UGT2B17: variants seen among roughly 807,000 people sequenced by gnomAD.
UGT2B17 encodes UDP-glucuronosyltransferase 2B17.
Under a neutral mutation model 48.2 loss-of-function variants are expected in UGT2B17, and 21 were observed. The observed-to-expected ratio is 0.44, with a 90% CI of 0.31 to 0.63. The LOEUF is 0.63. Among genes scored for constraint, UGT2B17 ranks in the 20% least tolerant of loss-of-function variants. UGT2B17 has a pLI of 0.08. For synonymous variants in UGT2B17, 146 were observed against 238.4 expected (o/e 0.61, Z 3.57); for missense variants, 402 against 696.1 (o/e 0.58, Z 4.75).
In UGT2B17 at chr4:68,554,326, C is replaced by A. The variant is rs138865148; in HGVS notation, c.1006-2415G>T. On this transcript the variant is annotated intron_variant, in intron 4 of 6. Coordinates refer to ENST00000317746, the MANE Select transcript of UGT2B17 (RefSeq NM_001077.4). ...TCGCCTGTTTGGATTTATGACACCT[C>A]TACTTGGCAGAGTTTATGTAAAATG... Among the ~76,000 whole-genome samples the A allele has an allele frequency of 3.4e-3, 436 of 126,506 alleles. 94 individuals carry two copies. The highest frequency in any genetic ancestry group is 0.012 in the African/African-American group (430 of 37,166). 83.0% of individuals were successfully genotyped at this position (126,506 alleles called of 152,430 possible).
rs1262020619 is a variant in UGT2B17 at position 68,576,076 on chromosome 4, C to G, written c.-190G>C. Among the ~76,000 whole-genome samples, 1 of 125,074 alleles carries G rather than the reference C, an allele frequency of 8.0e-6. No individual in the cohort carries two copies. The highest frequency in any genetic ancestry group is 1.7e-5 in the Non-Finnish European group (1 of 59,130). The allele number at this position is 125,074 out of a possible 152,430, so 82.1% of individuals were successfully genotyped here. A position where few individuals can be genotyped will look rare whatever the true frequency, so the allele number is the denominator to read the frequency against. On this transcript the variant is annotated 5_prime_UTR_variant, in exon 1 of 7. Transcript: ENST00000317746. The stretch of plus-strand genomic sequence containing the variant: ...TGTTCCACTGGGGCAATTTCCTACC[C>G]AGGAGCGCTCTTTGGATCTCATCAC...
intron 4 of UGT2B17, among the ~76,000 whole-genome samples, chr4:68,557,128 T>C (rs1411233471): frequency 8.0e-6 from 1 of 124,944 alleles, no homozygotes; most frequent in African/African-American, 2.7e-5. Flanking sequence ...ATAATTCTGA[T>C]ATGACTTAGT....
Position 68,561,570 on chromosome 4 carries a change from G to T in UGT2B17, c.874-902C>A, listed in dbSNP as rs1731103924. Among the ~76,000 whole-genome samples the T allele has an allele frequency of 2.4e-5, 3 of 123,538 alleles. 1 individual carries two copies. Among genetic ancestry groups the T allele is most frequent in the African/African-American group, 8.3e-5 (3 of 36,132 alleles). 81.0% of individuals were successfully genotyped at this position (123,538 alleles called of 152,430 possible). ...CTCACTTTGCTGTGTCTCACAGGGG[G>T]CACTTGAACCACAGTGGGAGAGGTC... On this transcript the variant is annotated intron_variant, in intron 3 of 6. Coordinates refer to ENST00000317746, the MANE Select transcript of UGT2B17 (RefSeq NM_001077.4).
rs1172759047 is a variant in UGT2B17 at position 68,546,843 on chromosome 4, A to T, written c.1313+3834T>A. On this transcript the variant is annotated intron_variant, in intron 6 of 6. Transcript: ENST00000317746. The stretch of plus-strand genomic sequence containing the variant: ...CATTCACAATTGCTTCAAAGAGAAT[A>T]AAATACCTAGGAATCCAACTTACAA... Among the ~76,000 whole-genome samples the T allele has an allele frequency of 4.8e-5, 6 of 124,024 alleles. 2 individuals carry two copies. Among genetic ancestry groups the T allele is most frequent in the African/African-American group, 2.7e-5 (1 of 36,474 alleles). 81.4% of individuals were successfully genotyped at this position (124,024 alleles called of 152,430 possible).
chr4:68,554,470 C>T (rs190589622), intron 4 of UGT2B17, among the ~76,000 whole-genome samples: 1 of 124,706 alleles, frequency 8.0e-6, no homozygotes, highest in Non-Finnish European at 1.7e-5. Context: ...TTTAAATTTG[C>T]TTTTATTTTT....
intron 4 of UGT2B17, among the ~76,000 whole-genome samples, chr4:68,556,903 T>C (rs1186299067): frequency 8.0e-6 from 1 of 125,414 alleles, no homozygotes; most frequent in Admixed American, 8.2e-5. Flanking sequence ...AATCCTTTGA[T>C]ATTTGACAAA....
intron 1 of UGT2B17, among the ~76,000 whole-genome samples, chr4:68,573,047 T>C (rs754852235): frequency 7.8e-6 from 1 of 127,926 alleles, no homozygotes; most frequent in Non-Finnish European, 1.7e-5. Context: ...TGGTATCTAG[T>C]TAGTCTATCA....
At chr4:68,564,289 TA>T (rs1731154750) in intron 3 of UGT2B17, among the ~76,000 whole-genome samples, 1 of 90,072 alleles carries the variant, frequency 1.1e-5, no homozygotes, top group African/African-American at 6.1e-5. Flanking sequence ...TATATATATA[TA>T]TATATTTTTT....
chr4:68,574,744 C>G lies in UGT2B17; in HGVS notation c.-65+1207G>C, dbSNP rs1428535959. On this transcript the variant is annotated intron_variant, in intron 1 of 6. Coordinates refer to ENST00000317746, the MANE Select transcript of UGT2B17 (RefSeq NM_001077.4). ...TGTTTCTTCAATAGCACTCAGGAGGCCTTATTACTTTTAAATTATGCAACA... is the reference window on the plus strand; with the variant it reads ...TGTTTCTTCAATAGCACTCAGGAGGGCTTATTACTTTTAAATTATGCAACA... 3.2e-5 allele frequency among the ~76,000 whole-genome samples: 4 copies of G among 125,724 alleles called. 2 individuals carry two copies. Among genetic ancestry groups the G allele is most frequent in the Non-Finnish European group, 6.7e-5 (4 of 59,472 alleles). 82.5% of individuals were successfully genotyped at this position (125,724 alleles called of 152,430 possible).
At chr4:68,550,323 T>C (rs1237084424) in intron 6 of UGT2B17, among the ~76,000 whole-genome samples, 1 of 126,072 alleles carries the variant, frequency 7.9e-6, no homozygotes, top group Non-Finnish European at 1.7e-5. Context: ...TGAGAAAGAA[T>C]AGATTCATAC....
chr4:68,561,545 C>A lies in UGT2B17; in HGVS notation c.874-877G>T, dbSNP rs190199777. On this transcript the variant is annotated intron_variant, in intron 3 of 6. Transcript: ENST00000317746. ...TAACTTACCATGAGGGACCCTCATCCTCACTTTGCTGTGTCTCACAGGGGG... is the reference window on the plus strand; with the variant it reads ...TAACTTACCATGAGGGACCCTCATCATCACTTTGCTGTGTCTCACAGGGGG... Among the ~76,000 whole-genome samples the A allele has an allele frequency of 3.0e-4, 37 of 124,044 alleles. 6 individuals carry two copies. Among genetic ancestry groups the A allele is most frequent in the African/African-American group, 9.4e-4 (34 of 36,348 alleles). 81.4% of individuals were successfully genotyped at this position (124,044 alleles called of 152,430 possible).
At chr4:68,538,573 C>A (rs1162361999) in intron 6 of UGT2B17, among the ~76,000 whole-genome samples, 1 of 125,786 alleles carries the variant, frequency 8.0e-6, no homozygotes, top group Non-Finnish European at 1.7e-5. Context: ...TGTGTCACAA[C>A]TGGTGAAATG....
chr4:68,550,557 C>T (rs1730895297), intron 6 of UGT2B17, 120 bp downstream of exon 6: 1 of 765,162 alleles, frequency 1.3e-6, no homozygotes, highest in Non-Finnish European at 1.8e-6. Context: ...GCAGATTTTA[C>T]ATTGGTTAAA....
chr4:68,563,539 C>G lies in UGT2B17; in HGVS notation c.873+2033G>C, dbSNP rs1374666989. 2.4e-5 allele frequency among the ~76,000 whole-genome samples: 3 copies of G among 126,518 alleles called. 1 individual carries two copies. Among genetic ancestry groups the G allele is most frequent in the Admixed American group, 8.1e-5 (1 of 12,352 alleles). The allele number at this position is 126,518 out of a possible 152,430, so 83.0% of individuals were successfully genotyped here. ...GCAGGAGAATCAGAATCACTTGAAC[C>G]TAGAGGGTGGAGGTTGCAGTGAGCT... On this transcript the variant is annotated intron_variant, in intron 3 of 6. Transcript: ENST00000317746.
chr4:68,562,406 C>T lies in UGT2B17; in HGVS notation c.874-1738G>A, dbSNP rs58692221. On this transcript the variant is annotated intron_variant, in intron 3 of 6. Transcript: ENST00000317746. The stretch of plus-strand genomic sequence containing the variant: ...GGGATTACAGGCTTGAGCCACTGTG[C>T]CCGGTCTGATATCAGTTTTAATTGG... 3.5e-4 allele frequency among the ~76,000 whole-genome samples: 44 copies of T among 126,346 alleles called. 8 individuals are homozygous for T. Among genetic ancestry groups the T allele is most frequent in the African/African-American group, 1.2e-3 (44 of 37,042 alleles). 82.9% of individuals were successfully genotyped at this position (126,346 alleles called of 152,430 possible). A position where few individuals can be genotyped will look rare whatever the true frequency, so the allele number is the denominator to read the frequency against.
intron 6 of UGT2B17, among the ~76,000 whole-genome samples, chr4:68,543,668 G>T (rs1730731815): frequency 8.1e-6 from 1 of 124,032 alleles, no homozygotes; most frequent in Non-Finnish European, 1.7e-5. Context: ...CGAAGGCAAA[G>T]AAGGTAAAAA....
intron 1 of UGT2B17, among the ~76,000 whole-genome samples, chr4:68,570,112 C>T (rs1731275927): frequency 7.9e-6 from 1 of 126,412 alleles, no homozygotes; most frequent in Non-Finnish European, 1.7e-5. Flanking sequence ...TCTCAGACAC[C>T]AAGTTGTAGA....
chr4:68,567,833 T>C lies in UGT2B17; in HGVS notation c.652A>G (p.Met218Val), dbSNP rs1731227188. ...FMERIKNMIY[M>V]LYFDFWFQAY... Reference sequence around the variant, plus strand: ...TGAAACCAAAAGTCAAAATAAAGCATATATATCATATTTTTTATCCTCTCC... The same window carrying C: ...TGAAACCAAAAGTCAAAATAAAGCACATATATCATATTTTTTATCCTCTCC... The change falls in exon 2 of 7, where the codon ATG becomes GTG. Residue 218 changes from methionine to valine, a missense_variant. This residue lies in a region of UGT2B17 where 106 missense variants were observed against 169.8 expected (regional missense o/e 0.62). Transcript: ENST00000317746. The C allele has an allele frequency of 1.5e-6, 2 of 1,374,880 alleles. 1 individual carries two copies. The highest frequency in any genetic ancestry group is 3.0e-5 in the African/African-American group (2 of 67,432). 85.2% of individuals were successfully genotyped at this position (1,374,880 alleles called of 1,614,324 possible).
chr4:68,565,190 C>T lies in UGT2B17; in HGVS notation c.873+382G>A, dbSNP rs188599750. ...TTTCACTTGTTTTTATTCTATCTTT[C>T]AAAGTACAATGTTAGGCATGAGGGC... On this transcript the variant is annotated intron_variant, in intron 3 of 6. Coordinates refer to ENST00000317746, the MANE Select transcript of UGT2B17 (RefSeq NM_001077.4). 5.3e-3 allele frequency among the ~76,000 whole-genome samples: 665 copies of T among 126,004 alleles called. 158 individuals are homozygous for T. The highest frequency in any genetic ancestry group is 5.1e-3 in the Non-Finnish European group (305 of 59,592). The allele number at this position is 126,004 out of a possible 152,430, so 82.7% of individuals were successfully genotyped here. A position where few individuals can be genotyped will look rare whatever the true frequency, so the allele number is the denominator to read the frequency against.
Sources: gnomAD v4.1 joint callset for allele counts (sites outside exome capture counted in the v4.1 genomes callset) on GRCh38, gnomAD v4.1.1 for gene constraint, gnomAD v4.1.1 regional missense constraint, MANE v1.5 for transcripts, NCBI Gene and HGNC (gene_info 2026-07-23, HGNC 2026-07-21) for gene names.